WDFY3: variants seen among roughly 807,000 people sequenced by gnomAD.
The protein encoded by WDFY3 is WD repeat and FYVE domain containing 3.
Under a neutral mutation model 409.6 loss-of-function variants are expected in WDFY3, and 66 were observed. The observed-to-expected ratio is 0.16, with a 90% CI of 0.13 to 0.20. The LOEUF (loss-of-function observed/expected upper bound fraction) is 0.20. Ranked by LOEUF, WDFY3 falls within the 10% of genes least tolerant of loss-of-function variation. The probability of loss-of-function intolerance (pLI) is 1.00; values close to 1 mark genes in which losing one functional copy is unlikely to be tolerated. For missense variants in WDFY3, 3,031 were observed against 4,298.1 expected, an observed-to-expected ratio of 0.71 and a Z score of 8.24; for synonymous variants, 1,521 against 1,537.1, an observed-to-expected ratio of 0.99 and a Z score of 0.25.
At chr4:84,964,260 G>T (rs947022015) in intron 1 of WDFY3, among the ~76,000 whole-genome samples, 4 of 152,118 alleles carry the variant, frequency 2.6e-5, no homozygotes, top group African/African-American at 9.7e-5. Flanking sequence ...TTGAGGCCAG[G>T]AGTTCAAGAT....
At chr4:84,948,767 T>C (rs552899780) in intron 1 of WDFY3, among the ~76,000 whole-genome samples, 1 of 152,300 alleles carries the variant, frequency 6.6e-6, no homozygotes, top group South Asian at 2.1e-4. Flanking sequence ...CCTAGTCTGA[T>C]CCCTTCCTGG....
intron 13 of WDFY3, among the ~76,000 whole-genome samples, chr4:84,814,676 T>C (rs1753016013): frequency 6.6e-6 from 1 of 152,132 alleles, no homozygotes; most frequent in Non-Finnish European, 1.5e-5. Context: ...AAGTAACCCT[T>C]ATTTTACTTA....
Position 84,716,160 on chromosome 4 carries a change from A to G in WDFY3, c.7875+736T>C, listed in dbSNP as rs148140319. On this transcript the variant is annotated intron_variant, in intron 49 of 67. Coordinates refer to ENST00000295888, the MANE Select transcript of WDFY3 (RefSeq NM_014991.6). The stretch of plus-strand genomic sequence containing the variant: ...ATTATTCTAAATGCAGATCCTGGCC[A>G]GCCACGGTGGCTCACGCCTGTAATC... 7.3e-3 allele frequency among the ~76,000 whole-genome samples: 1,117 copies of G among 152,188 alleles called. 9 individuals are homozygous for G. Among genetic ancestry groups the G allele is most frequent in the African/African-American group, 0.025 (1,056 of 41,524 alleles).
At chr4:84,909,145 A>G (rs1371628387) in intron 2 of WDFY3, among the ~76,000 whole-genome samples, 1 of 152,134 alleles carries the variant, frequency 6.6e-6, no homozygotes, top group Non-Finnish European at 1.5e-5. Context: ...GGGCCAATAT[A>G]TAACTTTTTA....
At chr4:84,844,497 G>A (rs1200636245) in intron 5 of WDFY3, 19 of 1,289,594 alleles carry the variant, frequency 1.5e-5, no homozygotes, top group Non-Finnish European at 1.9e-5. Context: ...GGACAGCAGG[G>A]CACACTGTTT....
chr4:84,813,288 G>A (rs909121469), intron 13 of WDFY3, among the ~76,000 whole-genome samples: 2 of 152,042 alleles, frequency 1.3e-5, no homozygotes, highest in Non-Finnish European at 2.9e-5. Flanking sequence ...GAATGCCAGA[G>A]CTAGCTCATA....
At chr4:84,839,560 A>T (rs199861669) in intron 6 of WDFY3, among the ~76,000 whole-genome samples, 5 of 141,374 alleles carry the variant, frequency 3.5e-5, no homozygotes, top group African/African-American at 1.3e-4. Context: ...TCCCTGAGTT[A>T]AAAAAAAAAA....
intron 3 of WDFY3, among the ~76,000 whole-genome samples, chr4:84,868,511 G>A (rs1761738257): frequency 6.6e-6 from 1 of 152,072 alleles, no homozygotes. Context: ...CAGACTATGA[G>A]ATACTACAAG....
At chr4:84,753,562 G>A (rs1052434192) in intron 35 of WDFY3, 135 bp downstream of exon 35, 7 of 1,028,070 alleles carry the variant, frequency 6.8e-6, no homozygotes, top group East Asian at 5.9e-5. Flanking sequence ...AAGAGGTGAT[G>A]TATAAAGTTA....
intron 39 of WDFY3, chr4:84,739,472 C>G (rs1738022413): frequency 4.7e-6 from 1 of 212,382 alleles, no homozygotes; most frequent in Admixed American, 5.3e-5. Flanking sequence ...TCTCACTACT[C>G]TGCTCCTGTA....
chr4:84,945,361 A>C (rs1772683394), intron 1 of WDFY3, among the ~76,000 whole-genome samples: 1 of 152,224 alleles, frequency 6.6e-6, no homozygotes, highest in Non-Finnish European at 1.5e-5. Flanking sequence ...CATTACAGAA[A>C]TGGTGATGGC....
chr4:84,812,678 A>C (rs1247676405), intron 13 of WDFY3, among the ~76,000 whole-genome samples: 2 of 152,122 alleles, frequency 1.3e-5, no homozygotes, highest in African/African-American at 2.4e-5. Context: ...ACATGTACAA[A>C]ATGCTATCAC....
At chr4:84,768,833 A>G (rs1352906377) in intron 30 of WDFY3, among the ~76,000 whole-genome samples, 1 of 152,246 alleles carries the variant, frequency 6.6e-6, no homozygotes, top group African/African-American at 2.4e-5. Flanking sequence ...GCTGCCATAG[A>G]TGGTGATTTA....
Position 84,737,481 on chromosome 4 carries a change from A to C in WDFY3, c.6575-115T>G, listed in dbSNP as rs536857680. The stretch of plus-strand genomic sequence containing the variant: ...TGTGGGAATTTCGACTACAGTATTT[A>C]ATGTAAAAAAAACAAAGCTCATGTT... On this transcript the variant is annotated intron_variant, in intron 40 of 67. Transcript: ENST00000295888. 1.1e-5 allele frequency: 13 copies of C among 1,234,276 alleles called. No individual in the cohort carries two copies. The Admixed American group carries it at 3.1e-4, about 29-fold the overall frequency. 76.5% of individuals were successfully genotyped at this position (1,234,276 alleles called of 1,614,324 possible).
chr4:84,964,193 C>A (rs968090437), intron 1 of WDFY3, among the ~76,000 whole-genome samples: 1 of 152,138 alleles, frequency 6.6e-6, no homozygotes, highest in Admixed American at 6.5e-5. Context: ...AGAAGCAGGG[C>A]ATGGTGGCTC....
At chr4:84,909,403 A>T (rs1767475293) in intron 2 of WDFY3, among the ~76,000 whole-genome samples, 1 of 152,140 alleles carries the variant, frequency 6.6e-6, no homozygotes, top group Admixed American at 6.5e-5. Flanking sequence ...ATTGTAATAA[A>T]AAAAGAAAGG....
chr4:84,951,103 T>C (rs1773552948), intron 1 of WDFY3, among the ~76,000 whole-genome samples: 1 of 152,222 alleles, frequency 6.6e-6, no homozygotes, highest in African/African-American at 2.4e-5. Context: ...TTTACCTCTA[T>C]TCTAATTTTA....
intron 32 of WDFY3, among the ~76,000 whole-genome samples, chr4:84,759,712 A>G (rs1220243721): frequency 6.5e-4 from 97 of 149,928 alleles, no homozygotes; most frequent in African/African-American, 2.3e-3. Flanking sequence ...GGGCTGAGAC[A>G]ATGGGGTTTT....
chr4:84,757,230 AG>A (rs1389937838), intron 32 of WDFY3, 69 bp from the exon 33 acceptor site: 138 of 1,399,044 alleles, frequency 9.9e-5, no homozygotes, highest in Admixed American at 1.2e-4. Flanking sequence ...TTAACAAAGA[AG>A]GAAGTAATTC....
Sources: gnomAD v4.1 joint callset for allele counts (sites outside exome capture counted in the v4.1 genomes callset) on GRCh38, gnomAD v4.1.1 for gene constraint, MANE v1.5 for transcripts, NCBI Gene and HGNC (gene_info 2026-07-23, HGNC 2026-07-21) for gene names.